The following FGFR1 variants were observed in gnomAD, a reference collection of about 807,000 sequenced individuals.
The protein encoded by FGFR1 is FGFR1/PLAG1 fusion.
In FGFR1, 18 loss-of-function variants were observed where a neutral mutation model predicts 93.7. That is an observed-to-expected ratio of 0.19 (90% CI 0.13 to 0.28). The LOEUF (loss-of-function observed/expected upper bound fraction) is 0.28. Ranked by LOEUF, FGFR1 falls within the 10% of genes least tolerant of loss-of-function variation. The pLI, the probability that FGFR1 is intolerant of heterozygous loss-of-function variation, is 1.00. For missense variants in FGFR1, 731 were observed against 1,080.4 expected, an observed-to-expected ratio of 0.68 and a Z score of 4.53; for synonymous variants, 448 against 429.3, an observed-to-expected ratio of 1.04 and a Z score of -0.54.
chr8:38,451,748 C>T (rs564050205), intron 2 of FGFR1, among the ~76,000 whole-genome samples: 72 of 152,254 alleles, frequency 4.7e-4, no homozygotes, highest in Admixed American at 1.3e-3. Flanking sequence ...TTTCTGAGCA[C>T]TGGGGTGTTT....
chr8:38,414,537 G>A (rs2150547583), intron 15 of FGFR1, 22 bp downstream of exon 15: 1 of 1,613,260 alleles, frequency 6.2e-7, no homozygotes. Flanking sequence ...CACCTCCCTG[G>A]CAATTGCTAT....
intron 13 of FGFR1, 71 bp downstream of exon 13, chr8:38,415,799 C>A (rs2150578667): frequency 6.8e-7 from 1 of 1,472,604 alleles, no homozygotes; most frequent in South Asian, 1.1e-5. Context: ...GATGATAAGT[C>A]ACAGGCTGGA....
rs1563512858 is a variant in FGFR1 at position 38,429,639 on chromosome 8, G to C, written c.358+43C>G. On this transcript the variant is annotated intron_variant, in intron 3 of 17. Transcript: ENST00000447712. This position sits in a 1 kb window ranked among gnomAD's most constrained non-coding sequence, Gnocchi z 4.4. ...TGAAACTGGCAGAGAGGGCTGGAGG[G>C]GGTGGGTCTAGGGAGGGGCAAGGGC... 4.5e-6 allele frequency: 7 copies of C among 1,545,576 alleles called. No individual in the cohort carries two copies. The highest frequency in any genetic ancestry group is 6.1e-6 in the Non-Finnish European group (7 of 1,142,096).
chr8:38,413,816 G>A lies in FGFR1; in HGVS notation c.2293-12C>T, dbSNP rs752744088. On this transcript the variant is annotated splice_polypyrimidine_tract_variant and intron_variant, in intron 17 of 17. Transcript: ENST00000447712. The surrounding 1 kb of genome is among the most constrained non-coding windows in gnomAD (Gnocchi z 4.2). ...AGGTCCAGGTACTCCTGTGATGGGC[G>A]AGAGGAAGCAGCGATGGGCCGGGCC... The A allele has an allele frequency of 5.6e-6, 9 of 1,613,854 alleles. No individual in the cohort carries two copies. The highest frequency in any genetic ancestry group is 3.3e-5 in the South Asian group (3 of 91,082).
Position 38,456,768 on chromosome 8 carries a change from G to A in FGFR1, c.91+588C>T, listed in dbSNP as rs112606051. Among the ~76,000 whole-genome samples, 942 of 152,084 alleles carry A rather than the reference G, an allele frequency of 6.2e-3. 15 individuals are homozygous for A. The highest frequency in any genetic ancestry group is 0.021 in the African/African-American group (879 of 41,454). On this transcript the variant is annotated intron_variant, in intron 2 of 17. Coordinates refer to ENST00000447712, the MANE Select transcript of FGFR1 (RefSeq NM_023110.3). ...TTTTTTTTTGTAGAGATGGGGTCTC[G>A]CTATATTGCCTAGGCTGATCTTGAA... is the stretch of plus-strand genomic sequence containing the variant.
intron 2 of FGFR1, among the ~76,000 whole-genome samples, chr8:38,431,771 C>A (rs868570612): frequency 6.6e-6 from 1 of 152,094 alleles, no homozygotes; most frequent in South Asian, 2.1e-4. Context: ...GGCTTGCACA[C>A]GTTTATTTTT....
chr8:38,443,616 T>C (rs1404272797), intron 2 of FGFR1, among the ~76,000 whole-genome samples: 2 of 151,996 alleles, frequency 1.3e-5, no homozygotes, highest in Non-Finnish European at 2.9e-5. Context: ...GAGGCTGCAG[T>C]GAGCTGAGAT....
At chr8:38,448,372 C>A (rs765979367) in intron 2 of FGFR1, among the ~76,000 whole-genome samples, 3 of 151,432 alleles carry the variant, frequency 2.0e-5, no homozygotes, top group African/African-American at 7.3e-5. Context: ...TTCCGCCTCG[C>A]GGGTTCAAGT....
rs760315724 is a variant in FGFR1 at position 38,423,110 on chromosome 8, G to A, written c.937-1169C>T. On this transcript the variant is annotated intron_variant, in intron 7 of 17. Transcript: ENST00000447712. ...TGGAAACCTTACACACATACTCCCC[G>A]CTCTGGGCCTCTGTCACATTGAACA... 1.0e-5 allele frequency: 8 copies of A among 779,454 alleles called. 1 individual carries two copies. The highest frequency in any genetic ancestry group is 9.4e-5 in the South Asian group (7 of 74,568). The allele number at this position is 779,454 out of a possible 1,614,324, so 48.3% of individuals were successfully genotyped here.
chr8:38,419,825 G>A, intron 8 of FGFR1, 90 bp from the exon 9 acceptor site: 3 of 1,139,682 alleles, frequency 2.6e-6, no homozygotes, highest in South Asian at 1.4e-5. Flanking sequence ...CCTGTCTCCT[G>A]TCCCCTGGGA....
chr8:38,459,934 G>A (rs957306927), intron 1 of FGFR1, among the ~76,000 whole-genome samples: 5 of 152,110 alleles, frequency 3.3e-5, no homozygotes, highest in Admixed American at 6.6e-5. Flanking sequence ...CTACAATCCC[G>A]GGACTTTGGG....
rs1331624690 is a variant in FGFR1 at position 38,443,495 on chromosome 8, A to AC, written c.92-13548dup. ...AGCAACAAAGTGAGACCTCATCTCT[A>AC]CAAAAAAAAAAAAAAAAGAAAAACA... is the stretch of plus-strand genomic sequence containing the variant. On this transcript the variant is annotated intron_variant, in intron 2 of 17. Coordinates refer to ENST00000447712, the MANE Select transcript of FGFR1 (RefSeq NM_023110.3). Among the ~76,000 whole-genome samples the AC allele has an allele frequency of 4.0e-5, 4 of 101,216 alleles. No homozygotes were observed. The East Asian group carries it at 1.1e-3, about 28-fold the overall frequency. 66.4% of individuals were successfully genotyped at this position (101,216 alleles called of 152,430 possible). A position where few individuals can be genotyped will look rare whatever the true frequency, so the allele number is the denominator to read the frequency against.
At chr8:38,464,955 G>C (rs1207108184) in intron 1 of FGFR1, among the ~76,000 whole-genome samples, 2 of 152,160 alleles carry the variant, frequency 1.3e-5, no homozygotes, top group African/African-American at 4.8e-5. Flanking sequence ...TCTTGTTTCA[G>C]GTCAATACTG....
intron 1 of FGFR1, among the ~76,000 whole-genome samples, chr8:38,467,108 C>A (rs1339324213): frequency 6.6e-6 from 1 of 152,044 alleles, no homozygotes; most frequent in African/African-American, 2.4e-5. Flanking sequence ...GTGAACCACA[C>A]CGGACAAAAA....
chr8:38,444,092 T>C (rs1213154552), intron 2 of FGFR1, among the ~76,000 whole-genome samples: 1 of 142,440 alleles, frequency 7.0e-6, no homozygotes, highest in African/African-American at 2.6e-5. Context: ...CAGGTGGTAA[T>C]GGTAGCAGGC....
intron 2 of FGFR1, among the ~76,000 whole-genome samples, chr8:38,455,343 C>T (rs923926534): frequency 6.6e-6 from 1 of 152,060 alleles, no homozygotes; most frequent in Admixed American, 6.5e-5. Flanking sequence ...TGCAGTGGCG[C>T]GATCTCAGCT....
At position 38,429,801 on chromosome 8, in the gene FGFR1, C is replaced by A. The variant is rs201055054; in HGVS notation, c.239G>T (p.Arg80Leu). The A allele has an allele frequency of 6.2e-7, 1 of 1,613,170 alleles. No individual in the cohort carries two copies. Reference protein sequence around the residue: ...GVQLAESNRTRITGEEVEVQD... With the variant: ...GVQLAESNRTLITGEEVEVQD... ...CACCTCCACCTCCTCCCCTGTGATG[C>A]GGGTGCGGTTGCTTTCCGCCAGCTG... Residue 80 changes from arginine to leucine, a missense_variant, in exon 3 of 18, where the codon CGC becomes CTC. By Grantham distance (102) the Arg-to-Leu change is moderately radical (BLOSUM62 -2). Around this residue, in one of 10 missense-constraint regions of FGFR1, gnomAD observed 212 missense variants for 205.8 expected, o/e 1.03. Transcript: ENST00000447712. This position sits in a 1 kb window ranked among gnomAD's most constrained non-coding sequence, Gnocchi z 4.4.
intron 2 of FGFR1, 129 bp downstream of exon 2, chr8:38,457,227 G>A: frequency 5.0e-6 from 5 of 995,328 alleles, no homozygotes; most frequent in Non-Finnish European, 7.6e-6. Context: ...TACAGGAAGG[G>A]AGTTCTTTGC....
chr8:38,440,082 ACTC>A (rs1242803888), intron 2 of FGFR1, among the ~76,000 whole-genome samples: 4 of 151,562 alleles, frequency 2.6e-5, no homozygotes, highest in African/African-American at 9.7e-5. Flanking sequence ...GAAAGGCTAA[ACTC>A]CTCAGCAACA....
Sources: allele counts gnomAD v4.1 joint callset (sites outside exome capture counted in the v4.1 genomes callset), GRCh38; gene constraint gnomAD v4.1.1; regional missense constraint gnomAD v4.1.1; non-coding constraint Gnocchi (gnomAD v3.1); transcripts MANE v1.5; gene names NCBI Gene and HGNC (gene_info 2026-07-23, HGNC 2026-07-21).